NUBPL: variants seen among roughly 807,000 people sequenced by gnomAD.
NUBPL encodes NUBP iron-sulfur cluster assembly factor, mitochondrial.
A neutral mutation model predicts 45.7 loss-of-function variants in NUBPL; 31 were observed. That is an observed-to-expected ratio of 0.68 (90% CI 0.51 to 0.92). The LOEUF is 0.92. Among genes scored for constraint, NUBPL ranks in the 40% least tolerant of loss-of-function variants. NUBPL has a pLI of 0.00. For synonymous variants in NUBPL, 144 were observed against 140.9 expected, an observed-to-expected ratio of 1.02 and a Z score of -0.15; for missense variants, 401 against 398.7, an observed-to-expected ratio of 1.01 and a Z score of -0.05.
chr14:31,807,875 A>T (rs1216655879), intron 7 of NUBPL, among the ~76,000 whole-genome samples: 1 of 152,250 alleles, frequency 6.6e-6, no homozygotes, highest in Non-Finnish European at 1.5e-5. Context: ...TTTATTAAAT[A>T]GGGAATCCTT....
rs61996371 is a variant in NUBPL at position 31,846,722 on chromosome 14, C to T, written c.814+131C>T. ...CTGTAATCCCAGCACTTTGGGAGGT[C>T]GAGGTGGACAGATCACGAGGTCAGG... On this transcript the variant is annotated intron_variant, in intron 9 of 10. Coordinates refer to ENST00000281081, the MANE Select transcript of NUBPL (RefSeq NM_025152.3). 3.6e-3 allele frequency: 5,117 copies of T among 1,411,370 alleles called. 9 individuals are homozygous for T. Among genetic ancestry groups the T allele is most frequent in the Non-Finnish European group, 4.3e-3 (4,423 of 1,039,490 alleles). The allele number at this position is 1,411,370 out of a possible 1,614,324, so 87.4% of individuals were successfully genotyped here. A position where few individuals can be genotyped will look rare whatever the true frequency, so the allele number is the denominator to read the frequency against.
intron 7 of NUBPL, among the ~76,000 whole-genome samples, chr14:31,821,634 C>CA (rs1156263350): frequency 6.6e-6 from 1 of 152,166 alleles, no homozygotes; most frequent in African/African-American, 2.4e-5. Flanking sequence ...CGAGGTTCCT[C>CA]AAAAAACTAA....
intron 6 of NUBPL, among the ~76,000 whole-genome samples, chr14:31,711,796 G>A (rs1381628081): frequency 6.6e-6 from 1 of 152,038 alleles, no homozygotes; most frequent in Admixed American, 6.6e-5. Flanking sequence ...TCCTTCCGGT[G>A]GGTTCATGGT....
chr14:31,832,027 A>G (rs938382730), intron 8 of NUBPL, among the ~76,000 whole-genome samples: 1 of 152,162 alleles, frequency 6.6e-6, no homozygotes, highest in African/African-American at 2.4e-5. Flanking sequence ...AAAATGCTTA[A>G]ACCATGTCAG....
At chr14:31,758,066 T>A (rs1281223375) in intron 6 of NUBPL, among the ~76,000 whole-genome samples, 6 of 152,168 alleles carry the variant, frequency 3.9e-5, no homozygotes, top group Non-Finnish European at 4.4e-5. Flanking sequence ...ATCACTATCA[T>A]CTTATCTTAT....
At chr14:31,819,702 T>C (rs1011664065) in intron 7 of NUBPL, among the ~76,000 whole-genome samples, 2 of 152,228 alleles carry the variant, frequency 1.3e-5, no homozygotes, top group Non-Finnish European at 2.9e-5. Flanking sequence ...AATGTTTATG[T>C]ATTTGCCAGA....
intron 4 of NUBPL, among the ~76,000 whole-genome samples, chr14:31,620,922 G>T (rs1051879113): frequency 3.3e-5 from 5 of 152,172 alleles, no homozygotes; most frequent in African/African-American, 1.2e-4. Context: ...AGGGAGATGG[G>T]GGTTTTATCT....
intron 6 of NUBPL, among the ~76,000 whole-genome samples, chr14:31,750,800 G>A (rs972218232): frequency 3.3e-5 from 5 of 152,088 alleles, no homozygotes; most frequent in African/African-American, 1.2e-4. Flanking sequence ...ATTTTTGGCT[G>A]TAATCAGCAT....
At chr14:31,563,708 T>C (rs1338012604) in intron 2 of NUBPL, among the ~76,000 whole-genome samples, 1 of 152,230 alleles carries the variant, frequency 6.6e-6, no homozygotes, top group East Asian at 1.9e-4. Context: ...GACATTTGAC[T>C]AATGCAAATA....
At chr14:31,598,418 C>G (rs1408243973) in intron 3 of NUBPL, among the ~76,000 whole-genome samples, 4 of 151,958 alleles carry the variant, frequency 2.6e-5, no homozygotes, top group Admixed American at 6.6e-5. Flanking sequence ...CTTGATGAAA[C>G]AACTCTAAGA....
Position 31,859,324 on chromosome 14 carries a change from C to A in NUBPL, c.*144C>A. On this transcript the variant is annotated 3_prime_UTR_variant, in exon 11 of 11. Transcript: ENST00000281081. ...AAAGAATGTCTTCATATTTGACTTG[C>A]TAAGCTAAGGTTCACAAAACTTTGA... 2 of 771,732 alleles carry A rather than the reference C, an allele frequency of 2.6e-6. No individual in the cohort carries two copies. Among genetic ancestry groups the A allele is most frequent in the Non-Finnish European group, 4.5e-6 (2 of 447,988 alleles). The allele number at this position is 771,732 out of a possible 1,614,324, so 47.8% of individuals were successfully genotyped here. A position where few individuals can be genotyped will look rare whatever the true frequency, so the allele number is the denominator to read the frequency against.
At chr14:31,720,580 C>A (rs2037786516) in intron 6 of NUBPL, among the ~76,000 whole-genome samples, 1 of 152,142 alleles carries the variant, frequency 6.6e-6, no homozygotes, top group African/African-American at 2.4e-5. Context: ...TTTTCCATTG[C>A]TTAGAACGTA....
chr14:31,705,612 C>T (rs1713959461), intron 6 of NUBPL, among the ~76,000 whole-genome samples: 2 of 152,002 alleles, frequency 1.3e-5, no homozygotes, highest in African/African-American at 4.8e-5. Flanking sequence ...ACACAGAGTG[C>T]TGATTGGTGC....
chr14:31,621,762 C>CT (rs2035069468), intron 4 of NUBPL, among the ~76,000 whole-genome samples: 2 of 152,166 alleles, frequency 1.3e-5, no homozygotes, highest in South Asian at 2.1e-4. Context: ...TCCTAAACGT[C>CT]TTTTTTAAAA....
At chr14:31,604,415 C>T (rs1439550524) in intron 4 of NUBPL, among the ~76,000 whole-genome samples, 1 of 152,136 alleles carries the variant, frequency 6.6e-6, no homozygotes, top group Non-Finnish European at 1.5e-5. Context: ...AAACACAATA[C>T]AATACAAAAT....
At chr14:31,563,014 C>T (rs1175193335) in intron 2 of NUBPL, 1 of 152,760 alleles carries the variant, frequency 6.5e-6, no homozygotes, top group Non-Finnish European at 1.5e-5. Context: ...TGGTGGATCA[C>T]TAATCCATTA....
intron 4 of NUBPL, among the ~76,000 whole-genome samples, chr14:31,667,329 G>A (rs1455445049): frequency 6.6e-6 from 1 of 151,346 alleles, no homozygotes. Context: ...CCTTTCTTCC[G>A]CTTGATCAAT....
intron 7 of NUBPL, 44 bp downstream of exon 7, chr14:31,787,917 G>C: frequency 7.5e-7 from 1 of 1,338,050 alleles, no homozygotes; most frequent in Non-Finnish European, 1.1e-6. Flanking sequence ...TTTTTGATGT[G>C]TTGTTATTGC....
At chr14:31,782,364 CAG>C (rs1272494134) in intron 6 of NUBPL, among the ~76,000 whole-genome samples, 14 of 152,302 alleles carry the variant, frequency 9.2e-5, no homozygotes, top group South Asian at 4.1e-4. Flanking sequence ...CGCTGCACTC[CAG>C]CCTGGGCGAC....
Sources: gnomAD v4.1 joint callset for allele counts (sites outside exome capture counted in the v4.1 genomes callset) on GRCh38, gnomAD v4.1.1 for gene constraint, MANE v1.5 for transcripts, NCBI Gene and HGNC (gene_info 2026-07-23, HGNC 2026-07-21) for gene names.